AP3B1: variants seen among roughly 807,000 people sequenced by gnomAD.
AP3B1 encodes AP-3 complex subunit beta-1.
In AP3B1, 61 loss-of-function variants were observed where a neutral mutation model predicts 132.5. That is an observed-to-expected ratio of 0.46 (90% CI 0.37 to 0.57). The LOEUF (loss-of-function observed/expected upper bound fraction) is 0.57. Ranked by LOEUF, AP3B1 falls within the 20% of genes least tolerant of loss-of-function variation. The pLI is 0.00. For synonymous variants in AP3B1, 388 were observed against 438.3 expected (o/e 0.89, Z 1.43); for missense variants, 1,120 against 1,289.4 (o/e 0.87, Z 2.01).
chr5:78,061,097 G>A (rs1339649103), intron 22 of AP3B1, among the ~76,000 whole-genome samples: 10 of 150,916 alleles, frequency 6.6e-5, no homozygotes, highest in Non-Finnish European at 1.3e-4. Context: ...AAAGCACACC[G>A]CTGGGTCTCA....
intron 8 of AP3B1, 132 bp downstream of exon 8, chr5:78,181,374 AT>A: frequency 2.4e-6 from 2 of 818,938 alleles, no homozygotes; most frequent in Non-Finnish European, 4.0e-6. Context: ...CCAACTATCC[AT>A]TACATGTCAT....
At chr5:78,035,595 A>G (rs962045460) in intron 23 of AP3B1, among the ~76,000 whole-genome samples, 20 of 152,120 alleles carry the variant, frequency 1.3e-4, no homozygotes, top group Admixed American at 2.6e-4. Context: ...ATGAGGAGTA[A>G]GCATTACAAG....
chr5:78,278,658 A>G (rs1748903686), intron 1 of AP3B1, among the ~76,000 whole-genome samples: 1 of 147,560 alleles, frequency 6.8e-6, no homozygotes, highest in Non-Finnish European at 1.5e-5. Context: ...ATGAGGAACT[A>G]TTACACAGTG....
At chr5:78,111,716 C>T (rs925970967) in intron 19 of AP3B1, among the ~76,000 whole-genome samples, 4 of 152,118 alleles carry the variant, frequency 2.6e-5, no homozygotes, top group African/African-American at 9.7e-5. Context: ...TTCCTGGAAA[C>T]TAAAGGTCTA....
chr5:78,043,933 T>C, intron 22 of AP3B1: 1 of 334,120 alleles, frequency 3.0e-6, no homozygotes, highest in South Asian at 3.0e-5. Context: ...AACTTCCAGC[T>C]CTTTACCATT....
chr5:78,177,583 A>G, intron 8 of AP3B1, 147 bp from the exon 9 acceptor site: 2 of 706,242 alleles, frequency 2.8e-6, no homozygotes, highest in Admixed American at 4.1e-5. Context: ...GAGTTGAAGA[A>G]GTGTCCCCCA....
At chr5:78,199,655 CA>C (rs894084365) in intron 7 of AP3B1, among the ~76,000 whole-genome samples, 5 of 152,026 alleles carry the variant, frequency 3.3e-5, no homozygotes, top group Non-Finnish European at 7.4e-5. Context: ...GGCATAAAAA[CA>C]AATGGGTTAA....
intron 23 of AP3B1, among the ~76,000 whole-genome samples, chr5:78,036,024 T>A (rs1251679423): frequency 6.6e-6 from 1 of 152,136 alleles, no homozygotes; most frequent in Non-Finnish European, 1.5e-5. Context: ...AATTCCGTCA[T>A]CTCCAAAACT....
chr5:78,234,784 T>C (rs377702815), intron 3 of AP3B1, among the ~76,000 whole-genome samples: 61 of 152,292 alleles, frequency 4.0e-4, no homozygotes, highest in African/African-American at 1.4e-3. Flanking sequence ...AGACCAACTG[T>C]AGACTGAAAA....
intron 21 of AP3B1, among the ~76,000 whole-genome samples, chr5:78,099,788 C>G (rs1751053621): frequency 6.6e-6 from 1 of 151,592 alleles, no homozygotes; most frequent in African/African-American, 2.4e-5. Flanking sequence ...ACTCAGGAGG[C>G]TGAGGCAGGA....
chr5:78,201,907 G>A (rs1745304713), intron 7 of AP3B1, among the ~76,000 whole-genome samples: 1 of 152,142 alleles, frequency 6.6e-6, no homozygotes, highest in South Asian at 2.1e-4. Flanking sequence ...AGGGGAGGAG[G>A]AGCGATGCAA....
chr5:78,138,754 T>A (rs1394096487), intron 15 of AP3B1, among the ~76,000 whole-genome samples: 1 of 151,856 alleles, frequency 6.6e-6, no homozygotes, highest in African/African-American at 2.4e-5. Flanking sequence ...AGCAGATCAC[T>A]TGAGGTCAGA....
At chr5:78,187,468 AC>A (rs369746139) in intron 7 of AP3B1, among the ~76,000 whole-genome samples, 248 of 152,292 alleles carry the variant, frequency 1.6e-3, no homozygotes, top group African/African-American at 5.9e-3. Context: ...GAGTTCAATT[AC>A]ATTATTTTAA....
At chr5:78,142,813 G>A (rs973540036) in intron 14 of AP3B1, among the ~76,000 whole-genome samples, 6 of 152,066 alleles carry the variant, frequency 3.9e-5, no homozygotes, top group African/African-American at 1.4e-4. Context: ...AGGTCTAAGT[G>A]CTATTAAAAA....
intron 13 of AP3B1, among the ~76,000 whole-genome samples, chr5:78,157,044 G>C (rs1743177757): frequency 6.6e-6 from 1 of 152,118 alleles, no homozygotes; most frequent in Non-Finnish European, 1.5e-5. Context: ...CTGGCTTATA[G>C]CTGTGTTTAG....
chr5:78,095,183 C>T (rs1436527101), intron 21 of AP3B1, among the ~76,000 whole-genome samples: 1 of 152,118 alleles, frequency 6.6e-6, no homozygotes, highest in Non-Finnish European at 1.5e-5. Context: ...TTTAGAATCT[C>T]CAGTATGTAG....
chr5:78,030,124 C>T lies in AP3B1; in HGVS notation c.2894+4237G>A, dbSNP rs1298612156. ...ACTGTTTTATTAATTCTATGTTTTT[C>T]TCTGTCTCTGATTTTTTTTTGAGGT... is the stretch of plus-strand genomic sequence containing the variant. On this transcript the variant is annotated intron_variant, in intron 24 of 26. Transcript: ENST00000255194. Among the ~76,000 whole-genome samples, 11 of 151,910 alleles carry T rather than the reference C, an allele frequency of 7.2e-5. No homozygotes were observed. In the East Asian group the frequency reaches 2.1e-3, roughly 29 times the overall value.
intron 25 of AP3B1, chr5:78,015,874 G>T: frequency 3.8e-6 from 1 of 266,448 alleles, no homozygotes; most frequent in South Asian, 4.2e-5. Flanking sequence ...TGGGGTTTAT[G>T]TAAACTAGTA....
chr5:78,135,986 C>A (rs953386033), intron 15 of AP3B1, among the ~76,000 whole-genome samples: 1 of 147,300 alleles, frequency 6.8e-6, no homozygotes. Context: ...ACTCTTGATA[C>A]TTATTTCTAA....
Sources: allele counts gnomAD v4.1 joint callset (sites outside exome capture counted in the v4.1 genomes callset), GRCh38; gene constraint gnomAD v4.1.1; transcripts MANE v1.5; gene names NCBI Gene and HGNC (gene_info 2026-07-23, HGNC 2026-07-21).